Variants in IMMP2L observed in about 807,000 individuals in gnomAD.
IMMP2L encodes mitochondrial inner membrane protease subunit 2.
IMMP2L carries 18 observed loss-of-function variants against 19.3 expected under a neutral mutation model. The ratio of observed to expected loss-of-function variants is 0.93; its 90% CI spans 0.64 to 1.38. The LOEUF (loss-of-function observed/expected upper bound fraction) is 1.38, where lower values mean the gene tolerates loss of function less well. IMMP2L is among the 40% of genes most tolerant of loss of function. The pLI, the probability that IMMP2L is intolerant of heterozygous loss-of-function variation, is 0.00. For synonymous variants in IMMP2L, 76 were observed against 73.0 expected (o/e 1.04, Z -0.21); for missense variants, 233 against 218.2 (o/e 1.07, Z -0.43).
intron 3 of IMMP2L, among the ~76,000 whole-genome samples, chr7:111,193,654 G>C (rs1367492463): frequency 6.6e-6 from 1 of 152,108 alleles, no homozygotes; most frequent in East Asian, 1.9e-4. Context: ...GCTGACCAGA[G>C]AGAACAGAGG....
chr7:111,214,623 G>T (rs1175145165), intron 3 of IMMP2L, among the ~76,000 whole-genome samples: 1 of 150,076 alleles, frequency 6.7e-6, no homozygotes, highest in East Asian at 1.9e-4. Flanking sequence ...AAAGTGCAGG[G>T]ATTACAGGTG....
At chr7:111,195,878 T>C (rs1471201279) in intron 3 of IMMP2L, among the ~76,000 whole-genome samples, 1 of 152,072 alleles carries the variant, frequency 6.6e-6, no homozygotes, top group African/African-American at 2.4e-5. Flanking sequence ...TATCATTTCA[T>C]TTCATTTTAT....
At chr7:111,447,206 A>G (rs1764346036) in intron 3 of IMMP2L, among the ~76,000 whole-genome samples, 1 of 145,198 alleles carries the variant, frequency 6.9e-6, no homozygotes, top group African/African-American at 2.6e-5. Context: ...AATACAGAGA[A>G]CGCCACAAAG....
intron 3 of IMMP2L, among the ~76,000 whole-genome samples, chr7:111,008,736 G>A (rs1448973366): frequency 1.3e-5 from 2 of 151,968 alleles, no homozygotes; most frequent in Non-Finnish European, 2.9e-5. Context: ...ATACTATGTG[G>A]CACATAGTCG....
chr7:110,746,621 T>C (rs952239550), intron 5 of IMMP2L, among the ~76,000 whole-genome samples: 9 of 152,124 alleles, frequency 5.9e-5, no homozygotes, highest in African/African-American at 1.9e-4. Context: ...CACAACTATA[T>C]AGAAACTGAA....
At chr7:110,678,581 A>T (rs1206909396) in intron 5 of IMMP2L, among the ~76,000 whole-genome samples, 1 of 152,100 alleles carries the variant, frequency 6.6e-6, no homozygotes, top group Non-Finnish European at 1.5e-5. Flanking sequence ...TTAGGACCTC[A>T]TGATCTGGTG....
intron 3 of IMMP2L, among the ~76,000 whole-genome samples, chr7:111,223,936 G>A (rs1482685288): frequency 6.6e-6 from 1 of 152,088 alleles, no homozygotes; most frequent in East Asian, 1.9e-4. Context: ...AATGATAAGA[G>A]AAACCAGCTA....
At chr7:111,287,258 C>T (rs564222930) in intron 3 of IMMP2L, among the ~76,000 whole-genome samples, 2 of 152,278 alleles carry the variant, frequency 1.3e-5, no homozygotes, top group African/African-American at 2.4e-5. Context: ...ATCCTGCTCA[C>T]TTAAGTGTGC....
rs140989148 is a variant in IMMP2L, at chr7:111,516,006, T to C, written c.135+5307A>G. 5.0e-3 allele frequency among the ~76,000 whole-genome samples: 764 copies of C among 152,204 alleles called. 6 individuals carry two copies. The highest frequency in any genetic ancestry group is 0.024 in the Middle Eastern group (7 of 294). On this transcript the variant is annotated intron_variant, in intron 2 of 5. Coordinates refer to ENST00000405709, the MANE Select transcript of IMMP2L (RefSeq NM_032549.4). ...TTTTATTAGTTATTATTTAGTGAAA[T>C]GGACAGCACTGTCAGAGTTGGTTCA...
chr7:111,375,717 A>T (rs42473), intron 3 of IMMP2L, among the ~76,000 whole-genome samples: 34,128 of 151,778 alleles, frequency 0.22, 5,643 homozygotes, highest in African/African-American at 0.46. Context: ...AGAGATGGGG[A>T]TTCACCATGT....
At chr7:111,180,023 A>C (rs1310809404) in intron 3 of IMMP2L, among the ~76,000 whole-genome samples, 2 of 152,012 alleles carry the variant, frequency 1.3e-5, no homozygotes, top group East Asian at 3.9e-4. Context: ...GCTTAAGAGA[A>C]TGTTGGGGCT....
intron 5 of IMMP2L, among the ~76,000 whole-genome samples, chr7:110,791,288 T>C (rs969102609): frequency 6.6e-6 from 1 of 151,562 alleles, no homozygotes; most frequent in African/African-American, 2.4e-5. Context: ...TTAAAATGGG[T>C]TCCACTGGCT....
At chr7:111,256,497 A>C (rs528151146) in intron 3 of IMMP2L, among the ~76,000 whole-genome samples, 1 of 152,208 alleles carries the variant, frequency 6.6e-6, no homozygotes, top group East Asian at 1.9e-4. Context: ...TGTCAGTGAA[A>C]TATCTCATTG....
At chr7:111,444,041 G>C (rs1034869944) in intron 3 of IMMP2L, among the ~76,000 whole-genome samples, 1 of 151,948 alleles carries the variant, frequency 6.6e-6, no homozygotes, top group Non-Finnish European at 1.5e-5. Flanking sequence ...AAAAGTATAG[G>C]CTTGCTATGA....
At chr7:111,199,700 T>A (rs1809898250) in intron 3 of IMMP2L, among the ~76,000 whole-genome samples, 1 of 152,120 alleles carries the variant, frequency 6.6e-6, no homozygotes, top group Admixed American at 6.5e-5. Context: ...CAGTAAATAA[T>A]TTACTATCAA....
intron 3 of IMMP2L, among the ~76,000 whole-genome samples, chr7:111,140,143 A>C (rs1210902758): frequency 2.6e-5 from 4 of 152,162 alleles, no homozygotes; most frequent in Non-Finnish European, 4.4e-5. Context: ...AAAGAGACAG[A>C]GAAAAGACAG....
intron 4 of IMMP2L, among the ~76,000 whole-genome samples, chr7:110,926,716 A>G (rs1814897659): frequency 6.6e-6 from 1 of 152,152 alleles, no homozygotes; most frequent in Non-Finnish European, 1.5e-5. Context: ...TTCCTGAAAC[A>G]TGCTTTGGTG....
intron 3 of IMMP2L, among the ~76,000 whole-genome samples, chr7:111,047,570 T>A (rs957960105): frequency 6.6e-6 from 1 of 152,200 alleles, no homozygotes; most frequent in South Asian, 2.1e-4. Flanking sequence ...GCCTTTTTCC[T>A]TAGTCTTAAA....
chr7:111,319,597 T>G (rs189951379), intron 3 of IMMP2L, among the ~76,000 whole-genome samples: 1 of 152,084 alleles, frequency 6.6e-6, no homozygotes, highest in African/African-American at 2.4e-5. Flanking sequence ...TAAATCAATT[T>G]TATATGTTTG....
Sources: gnomAD v4.1 joint callset for allele counts (sites outside exome capture counted in the v4.1 genomes callset) on GRCh38, gnomAD v4.1.1 for gene constraint, MANE v1.5 for transcripts, NCBI Gene and HGNC (gene_info 2026-07-23, HGNC 2026-07-21) for gene names.